Variants in NTNG2 observed in about 807,000 individuals in gnomAD.
NTNG2 encodes netrin-G2.
In NTNG2, 15 loss-of-function variants were observed where a neutral mutation model predicts 47.6. The ratio of observed to expected loss-of-function variants is 0.32; its 90% confidence interval spans 0.21 to 0.49. The LOEUF (loss-of-function observed/expected upper bound fraction) is 0.49, where lower values mean the gene tolerates loss of function less well. Ranked by LOEUF, NTNG2 falls within the 20% of genes least tolerant of loss-of-function variation. The pLI is 0.99. For missense variants in NTNG2, 578 were observed against 764.6 expected (o/e 0.76, Z 2.88); for synonymous variants, 307 against 324.6 (o/e 0.95, Z 0.58).
At chr9:132,227,598 C>A (rs1292675894) in intron 4 of NTNG2, among the ~76,000 whole-genome samples, 3 of 152,178 alleles carry the variant, frequency 2.0e-5, no homozygotes, top group Non-Finnish European at 4.4e-5. Context: ...CTCAGAGCAA[C>A]CCCTGGGAAC....
chr9:132,227,200 C>T (rs1352427222), intron 4 of NTNG2, among the ~76,000 whole-genome samples, 179 bp downstream of exon 4: 1 of 152,224 alleles, frequency 6.6e-6, no homozygotes, highest in Admixed American at 6.5e-5. Context: ...CATGGGCACA[C>T]ATATGAATGC....
At chr9:132,207,780 C>A (rs1839283190) in intron 3 of NTNG2, among the ~76,000 whole-genome samples, 1 of 152,160 alleles carries the variant, frequency 6.6e-6, no homozygotes, top group African/African-American at 2.4e-5. Flanking sequence ...CCCAGTACCC[C>A]CAAGTGCCCA....
intron 2 of NTNG2, among the ~76,000 whole-genome samples, chr9:132,188,146 C>G (rs560820895): frequency 2.0e-5 from 3 of 152,216 alleles, no homozygotes; most frequent in Non-Finnish European, 4.4e-5. Flanking sequence ...TGCCTTCCCC[C>G]ACGATTGCTT....
chr9:132,197,528 C>T lies in NTNG2; in HGVS notation c.214-438C>T, dbSNP rs1052696616. Among the ~76,000 whole-genome samples the T allele has an allele frequency of 3.3e-5, 5 of 152,176 alleles. No homozygotes were observed. The highest frequency in any genetic ancestry group is 2.9e-5 in the Non-Finnish European group (2 of 68,034). On this transcript the variant is annotated intron_variant, in intron 2 of 7. Transcript: ENST00000393229. This position sits in a 1 kb window ranked among gnomAD's most constrained non-coding sequence, Gnocchi z 4.3. ...AAGGGCACATGAAGGAGACAGAATG[C>T]CATCTGCAAAGGCTCAGAGGTACAA...
At position 132,244,020 on chromosome 9, in the gene NTNG2, CTG is replaced by C. The variant is rs932981123; in HGVS notation, c.*1910_*1911del. On this transcript the variant is annotated 3_prime_UTR_variant, in exon 8 of 8. Coordinates refer to ENST00000393229, the MANE Select transcript of NTNG2 (RefSeq NM_032536.4). ...TGCCCAGATAAAATAAAACACCTCT[CTG>C]GGGCTTCTTGTGGATAGGAGTGGCC... 3 of 152,252 alleles carry C rather than the reference CTG, an allele frequency of 2.0e-5. No homozygotes were observed. The highest frequency in any genetic ancestry group is 7.2e-5 in the African/African-American group (3 of 41,446). 9.4% of individuals were successfully genotyped at this position (152,252 alleles called of 1,614,324 possible).
chr9:132,225,281 T>G (rs1396190595), intron 3 of NTNG2, among the ~76,000 whole-genome samples: 1 of 151,712 alleles, frequency 6.6e-6, no homozygotes, highest in Non-Finnish European at 1.5e-5. Flanking sequence ...TTTGTTTTGT[T>G]TTTTTTGGAG....
chr9:132,224,651 AC>A (rs1840602208), intron 3 of NTNG2, among the ~76,000 whole-genome samples: 1 of 152,256 alleles, frequency 6.6e-6, no homozygotes, highest in Non-Finnish European at 1.5e-5. Context: ...ATAGGATTCT[AC>A]TAAACCCATT....
chr9:132,190,192 C>CACT (rs1378637389), intron 2 of NTNG2, among the ~76,000 whole-genome samples: 3 of 136,130 alleles, frequency 2.2e-5, no homozygotes, highest in African/African-American at 8.4e-5. Flanking sequence ...GAGATAGCGC[C>CACT]ACTGCACTCC....
chr9:132,244,449 A>C lies in NTNG2; in HGVS notation c.*2338A>C, dbSNP rs1302929692. On this transcript the variant is annotated 3_prime_UTR_variant, in exon 8 of 8. Transcript: ENST00000393229. ...CCGGCCTTGGCCTCCCGAAGTGCTG[A>C]GATTACAGGCATGAGCCACCGCACC... The C allele has an allele frequency of 6.6e-6, 1 of 152,246 alleles. No individual in the cohort carries two copies. The highest frequency in any genetic ancestry group is 1.5e-5 in the Non-Finnish European group (1 of 68,086). 9.4% of individuals were successfully genotyped at this position (152,246 alleles called of 1,614,324 possible). A position where few individuals can be genotyped will look rare whatever the true frequency, so the allele number is the denominator to read the frequency against.
At position 132,242,244 on chromosome 9, in the gene NTNG2, C is replaced by A; in HGVS notation, c.*133C>A. 3.9e-6 allele frequency: 1 copy of A among 255,822 alleles called. No homozygotes were observed. 15.8% of individuals were successfully genotyped at this position (255,822 alleles called of 1,614,324 possible). A position where few individuals can be genotyped will look rare whatever the true frequency, so the allele number is the denominator to read the frequency against. On this transcript the variant is annotated 3_prime_UTR_variant, in exon 8 of 8. Coordinates refer to ENST00000393229, the MANE Select transcript of NTNG2 (RefSeq NM_032536.4). The surrounding 1 kb of genome is among the most constrained non-coding windows in gnomAD (Gnocchi z 5.9). ...TCCCAGGTGCTACTCAGCAGGGCCCCCCGCCCGGCCCGCGCTCCCGCCCGC... is the reference window on the plus strand; with the variant it reads ...TCCCAGGTGCTACTCAGCAGGGCCCACCGCCCGGCCCGCGCTCCCGCCCGC...
At chr9:132,235,844 G>C (rs1841584594) in intron 5 of NTNG2, among the ~76,000 whole-genome samples, 1 of 152,190 alleles carries the variant, frequency 6.6e-6, no homozygotes, top group African/African-American at 2.4e-5. Flanking sequence ...GTTGGAGGGG[G>C]GCCGCAGGAA....
chr9:132,220,728 G>A lies in NTNG2; in HGVS notation c.858-6121G>A, dbSNP rs75026521. On this transcript the variant is annotated intron_variant, in intron 3 of 7. Coordinates refer to ENST00000393229, the MANE Select transcript of NTNG2 (RefSeq NM_032536.4). ...CTCCGAAAGTGCTCAGATTACAGGC[G>A]TGAGCCACCGCACCTGGCTCCCTAC... Among the ~76,000 whole-genome samples the A allele has an allele frequency of 7.9e-5, 12 of 152,198 alleles. No homozygotes were observed. In the East Asian group the frequency reaches 2.3e-3, roughly 29 times the overall value.
At chr9:132,171,174 A>C (rs1284920770) in intron 2 of NTNG2, among the ~76,000 whole-genome samples, 1 of 152,134 alleles carries the variant, frequency 6.6e-6, no homozygotes, top group Non-Finnish European at 1.5e-5. Flanking sequence ...TCCTGACAAG[A>C]GCTACAGGCC....
chr9:132,241,066 T>C (rs1372045289), intron 7 of NTNG2, 22 bp downstream of exon 7: 1 of 1,578,416 alleles, frequency 6.3e-7, no homozygotes, highest in Non-Finnish European at 8.6e-7. Context: ...CCGTCCCCCG[T>C]GGGCGGGGCC....
rs1841142808 is a variant in NTNG2, at chr9:132,230,725, C to T, written c.1054+130C>T. 4 of 880,476 alleles carry T rather than the reference C, an allele frequency of 4.5e-6. No homozygotes were observed. In the African/African-American group the frequency reaches 5.0e-5, roughly 11 times the overall value. The allele number at this position is 880,476 out of a possible 1,614,324, so 54.5% of individuals were successfully genotyped here. ...GGGACTTGGGCCTATTCACTCCCTC[C>T]TCTAATTACACCCCATCTGCTTCTC... is the stretch of plus-strand genomic sequence containing the variant. On this transcript the variant is annotated intron_variant, in intron 5 of 7. Coordinates refer to ENST00000393229, the MANE Select transcript of NTNG2 (RefSeq NM_032536.4).
chr9:132,198,505 C>T lies in NTNG2; in HGVS notation c.753C>T (p.Asp251=), dbSNP rs768480508. The part of the protein sequence containing the change: ...KGLKEFFTLT[D]LRMRLLRPAL... ...TCAAGGAGTTCTTCACCCTCACCGA[C>T]CTGCGCATGCGGCTGCTGCGCCCGG... The change falls in exon 3 of 8, where the codon GAC becomes GAT. Residue 251 remains aspartate (D), a synonymous_variant. Coordinates refer to ENST00000393229, the MANE Select transcript of NTNG2 (RefSeq NM_032536.4). 1 of 1,613,158 alleles carries T rather than the reference C, an allele frequency of 6.2e-7. No individual in the cohort carries two copies. The highest frequency in any genetic ancestry group is 1.1e-5 in the South Asian group (1 of 91,088).
At chr9:132,168,357 C>T (rs375039285) in intron 2 of NTNG2, among the ~76,000 whole-genome samples, 1 of 152,190 alleles carries the variant, frequency 6.6e-6, no homozygotes, top group Admixed American at 6.5e-5. Context: ...CTTGGAGGAG[C>T]CTCCAGGTCT....
intron 3 of NTNG2, among the ~76,000 whole-genome samples, chr9:132,213,253 C>T (rs768694924): frequency 1.4e-5 from 2 of 143,960 alleles, no homozygotes; most frequent in African/African-American, 2.5e-5. Flanking sequence ...ACTTGGGAGG[C>T]GGAGGTTAAA....
chr9:132,202,059 C>T lies in NTNG2; in HGVS notation c.857+3450C>T, dbSNP rs141232015. ...CACCGAGCTGTCCCTAGCCCTGGCC[C>T]GGTGGCTGCCTCATTTCTGGTTCCA... On this transcript the variant is annotated intron_variant, in intron 3 of 7. Transcript: ENST00000393229. Among the ~76,000 whole-genome samples, 811 of 152,320 alleles carry T rather than the reference C, an allele frequency of 5.3e-3. 8 individuals carry two copies. Among genetic ancestry groups the T allele is most frequent in the African/African-American group, 0.018 (752 of 41,570 alleles).
Sources: gnomAD v4.1 joint callset for allele counts (sites outside exome capture counted in the v4.1 genomes callset) on GRCh38, gnomAD v4.1.1 for gene constraint, Gnocchi (gnomAD v3.1) non-coding constraint, MANE v1.5 for transcripts, NCBI Gene and HGNC (gene_info 2026-07-23, HGNC 2026-07-21) for gene names.